The following SARS1 variants were observed in gnomAD, a reference collection of about 807,000 sequenced individuals.
SARS1 encodes serine--tRNA ligase, cytoplasmic.
In SARS1, 25 loss-of-function variants were observed where a neutral mutation model predicts 63.7. That is an observed-to-expected ratio of 0.39 (90% CI 0.29 to 0.55). SARS1 has a LOEUF of 0.55. Among genes scored for constraint, SARS1 ranks in the 20% least tolerant of loss-of-function variants. The probability of loss-of-function intolerance (pLI) is 0.62; values close to 1 mark genes in which losing one functional copy is unlikely to be tolerated. For synonymous variants in SARS1, 231 were observed against 243.5 expected, an observed-to-expected ratio of 0.95 and a Z score of 0.48; for missense variants, 417 against 649.7, an observed-to-expected ratio of 0.64 and a Z score of 3.89.
Position 109,214,202 on chromosome 1 carries a change from C to T in SARS1, c.136+74C>T, listed in dbSNP as rs1654732270. On this transcript the variant is annotated intron_variant, in intron 1 of 10. Coordinates refer to ENST00000234677, the MANE Select transcript of SARS1 (RefSeq NM_006513.4). The surrounding 1 kb of genome is among the most constrained non-coding windows in gnomAD (Gnocchi z 4.6). ...TCTCTCTCAAATCCAGCCACCGCTC[C>T]TGAGGCCACAGCTTCCACCCTTCGT... The T allele has an allele frequency of 3.3e-6, 5 of 1,534,602 alleles. No homozygotes were observed. The highest frequency in any genetic ancestry group is 4.4e-6 in the Non-Finnish European group (5 of 1,131,116).
intron 9 of SARS1, chr1:109,236,862 C>T: frequency 2.5e-6 from 4 of 1,600,384 alleles, no homozygotes; most frequent in Non-Finnish European, 3.4e-6. Context: ...CCTCTTCTCA[C>T]CCAAGAAGGT....
chr1:109,231,072 T>TAG, intron 5 of SARS1, 51 bp downstream of exon 5: 1 of 976,674 alleles, frequency 1.0e-6, no homozygotes. Context: ...AAACAAAATA[T>TAG]ATATATATAT....
In SARS1 at chr1:109,235,988, T is replaced by G. The variant is rs1655298976; in HGVS notation, c.981T>G (p.Phe327Leu). 6 of 1,610,492 alleles carry G rather than the reference T, an allele frequency of 3.7e-6. No individual in the cohort carries two copies. Among genetic ancestry groups the G allele is most frequent in the Non-Finnish European group, 5.1e-6 (6 of 1,178,346 alleles). ...GTCCCTCTCTGCAGATTGAACAGTT[T>G]GTGTACTCATCACCCCATGACAACA... ...RVHQFEKIEQ[F>L]VYSSPHDNKS... The change falls in exon 8 of 11, where the codon TTT (phenylalanine) becomes TTG (leucine). Residue 327 changes from phenylalanine (F) to leucine (L), a missense_variant. This residue lies in a region of SARS1 where 359 missense variants were observed against 529.6 expected (regional missense o/e 0.68). Transcript: ENST00000234677. This position sits in a 1 kb window ranked among gnomAD's most constrained non-coding sequence, Gnocchi z 4.7.
intron 6 of SARS1, among the ~76,000 whole-genome samples, chr1:109,234,624 C>T (rs1281548295): frequency 6.6e-6 from 1 of 152,206 alleles, no homozygotes; most frequent in African/African-American, 2.4e-5. Context: ...TATTGCATAC[C>T]TGCCAGCATT....
rs576736627 is a variant in SARS1 at position 109,223,861 on chromosome 1, G to T, written c.137-117G>T. On this transcript the variant is annotated intron_variant, in intron 1 of 10. Transcript: ENST00000234677. The stretch of plus-strand genomic sequence containing the variant: ...ATAACTTCATGAGGCAGATCCTTCA[G>T]CTCTGCCGGCATTTGGGCCTTAACC... 1,543 of 754,392 alleles carry T rather than the reference G, an allele frequency of 2.0e-3. 8 individuals carry two copies. The highest frequency in any genetic ancestry group is 6.8e-3 in the South Asian group (452 of 66,390). 46.7% of individuals were successfully genotyped at this position (754,392 alleles called of 1,614,324 possible). A position where few individuals can be genotyped will look rare whatever the true frequency, so the allele number is the denominator to read the frequency against.
In SARS1 at chr1:109,237,096, T is replaced by C; in HGVS notation, c.1258-148T>C. 1 of 1,318,624 alleles carries C rather than the reference T, an allele frequency of 7.6e-7. No individual in the cohort carries two copies. Among genetic ancestry groups the C allele is most frequent in the Non-Finnish European group, 1.0e-6 (1 of 973,398 alleles). The allele number at this position is 1,318,624 out of a possible 1,614,324, so 81.7% of individuals were successfully genotyped here. On this transcript the variant is annotated intron_variant, in intron 9 of 10. Transcript: ENST00000234677. This position sits in a 1 kb window ranked among gnomAD's most constrained non-coding sequence, Gnocchi z 4.1. Reference sequence around the variant, plus strand: ...CAATAAATACCAAATAATTCAAATTTAGAAAAAAGTTGCTAAGGGGTAGAA... The same window carrying C: ...CAATAAATACCAAATAATTCAAATTCAGAAAAAAGTTGCTAAGGGGTAGAA...
intron 1 of SARS1, among the ~76,000 whole-genome samples, chr1:109,220,183 T>G (rs1318079464): frequency 4.6e-5 from 7 of 152,248 alleles, no homozygotes; most frequent in Non-Finnish European, 1.0e-4. Flanking sequence ...TGTACATTCT[T>G]ATGTGTGTCT....
Position 109,226,697 on chromosome 1 carries a change from T to TACACATATATATATATATAC in SARS1, c.208-1650_208-1649insTATATATATATATACACACA. ...AAAAAAATATATATATATATATATA[T>TACACATATATATATATATAC]ACACACACACACACACACACACACA... On this transcript the variant is annotated intron_variant, in intron 2 of 10. Coordinates refer to ENST00000234677, the MANE Select transcript of SARS1 (RefSeq NM_006513.4). Among the ~76,000 whole-genome samples, 3 of 104,150 alleles carry TACACATATATATATATATAC rather than the reference T, an allele frequency of 2.9e-5. No individual in the cohort carries two copies. In the East Asian group the frequency reaches 8.3e-4, roughly 29 times the overall value. 68.3% of individuals were successfully genotyped at this position (104,150 alleles called of 152,430 possible).
chr1:109,218,679 C>T (rs1441203518), intron 1 of SARS1, among the ~76,000 whole-genome samples: 1 of 152,168 alleles, frequency 6.6e-6, no homozygotes, highest in Non-Finnish European at 1.5e-5. Context: ...TACTCCTAGA[C>T]TCTTTCACAC....
rs2101177914 is a variant in SARS1, at chr1:109,214,816, T to G, written c.136+688T>G. Reference sequence around the variant, plus strand: ...TAATTGTGATTTGTGGACGTTTTCCTTTAAAGACATTGGCAGAGTTGGGCT... The same window carrying G: ...TAATTGTGATTTGTGGACGTTTTCCGTTAAAGACATTGGCAGAGTTGGGCT... On this transcript the variant is annotated intron_variant, in intron 1 of 10. Transcript: ENST00000234677. The surrounding 1 kb of genome is among the most constrained non-coding windows in gnomAD (Gnocchi z 4.6). The G allele has an allele frequency of 1.0e-6, 1 of 985,492 alleles. No individual in the cohort carries two copies. The highest frequency in any genetic ancestry group is 1.7e-5 in the African/African-American group (1 of 57,368). The allele number at this position is 985,492 out of a possible 1,614,324, so 61.0% of individuals were successfully genotyped here. A position where few individuals can be genotyped will look rare whatever the true frequency, so the allele number is the denominator to read the frequency against.
intron 9 of SARS1, chr1:109,236,829 A>G: frequency 6.2e-7 from 1 of 1,602,662 alleles, no homozygotes. Context: ...CCATTTATCT[A>G]CACAGAACAA....
rs1009710372 is a variant in SARS1, at chr1:109,216,591, T to G, written c.136+2463T>G. On this transcript the variant is annotated intron_variant, in intron 1 of 10. Coordinates refer to ENST00000234677, the MANE Select transcript of SARS1 (RefSeq NM_006513.4). ...CCTCAAAAAGTGCTATCCTGAGTGG[T>G]TTTTTTTTTCTTTTTACTGTACATT... is the stretch of plus-strand genomic sequence containing the variant. The G allele has an allele frequency of 6.3e-6, 6 of 954,690 alleles. No homozygotes were observed. In the African/African-American group the frequency reaches 1.1e-4, roughly 17 times the overall value. 59.1% of individuals were successfully genotyped at this position (954,690 alleles called of 1,614,324 possible).
intron 6 of SARS1, 95 bp downstream of exon 6, chr1:109,231,881 G>A (rs1247099959): frequency 4.6e-6 from 5 of 1,087,636 alleles, no homozygotes; most frequent in African/African-American, 3.3e-5. Flanking sequence ...GACTTTCTGC[G>A]ATGATGGAAA....
chr1:109,227,850 C>T (rs572054574), intron 2 of SARS1, among the ~76,000 whole-genome samples: 106 of 148,132 alleles, frequency 7.2e-4, no homozygotes, highest in Middle Eastern at 3.5e-3. Context: ...AACCGGAAGG[C>T]GGAGCTTGCA....
chr1:109,225,118 A>T (rs7544116), intron 2 of SARS1, among the ~76,000 whole-genome samples: 6,355 of 152,182 alleles, frequency 0.042, 404 homozygotes, highest in African/African-American at 0.14. Flanking sequence ...CAAAATAAAT[A>T]AATTAATTAA....
chr1:109,215,236 G>C (rs1654757447), intron 1 of SARS1: 1 of 985,242 alleles, frequency 1.0e-6, no homozygotes, highest in Non-Finnish European at 1.2e-6. Flanking sequence ...CTGAAGTTTC[G>C]AGTTGCAATG....
rs1655337464 is a variant in SARS1 at position 109,237,432 on chromosome 1, T to C, written c.1387+59T>C. On this transcript the variant is annotated intron_variant, in intron 10 of 10. Transcript: ENST00000234677. The surrounding 1 kb of genome is among the most constrained non-coding windows in gnomAD (Gnocchi z 4.1). ...TTTTCTGTCTTCACACTCTTCTAAA[T>C]AGCAGTCCCCTTTCAGGATATACCA... The C allele has an allele frequency of 9.3e-6, 15 of 1,610,642 alleles. No individual in the cohort carries two copies. Among genetic ancestry groups the C allele is most frequent in the Non-Finnish European group, 1.3e-5 (15 of 1,177,676 alleles).
intron 1 of SARS1, chr1:109,216,020 T>C (rs748416215): frequency 1.9e-5 from 19 of 984,914 alleles, no homozygotes; most frequent in Non-Finnish European, 9.6e-6. Context: ...TTATTTCCAA[T>C]GCATCTATTA....
intron 1 of SARS1, 152 bp from the exon 2 acceptor site, chr1:109,223,826 G>GT: frequency 1.6e-6 from 1 of 644,506 alleles, no homozygotes; most frequent in Non-Finnish European, 2.8e-6. Context: ...ATAAAAAGCT[G>GT]TAAGATTTTA....
Sources: allele counts gnomAD v4.1 joint callset (sites outside exome capture counted in the v4.1 genomes callset), GRCh38; gene constraint gnomAD v4.1.1; regional missense constraint gnomAD v4.1.1; non-coding constraint Gnocchi (gnomAD v3.1); transcripts MANE v1.5; gene names NCBI Gene and HGNC (gene_info 2026-07-23, HGNC 2026-07-21).